The following EMSY variants were observed in gnomAD, a reference collection of about 807,000 sequenced individuals.
EMSY encodes BRCA2-interacting transcriptional repressor EMSY.
Under a neutral mutation model 134.6 loss-of-function variants are expected in EMSY, and 26 were observed. That is an observed-to-expected ratio of 0.19 (90% CI 0.14 to 0.27). EMSY has a LOEUF of 0.27. Among genes scored for constraint, EMSY ranks in the 10% least tolerant of loss-of-function variants. The pLI, the probability that EMSY is intolerant of heterozygous loss-of-function variation, is 1.00. For missense variants in EMSY, 1,305 were observed against 1,611.4 expected, an observed-to-expected ratio of 0.81 and a Z score of 3.26; for synonymous variants, 579 against 577.8, an observed-to-expected ratio of 1.00 and a Z score of -0.03.
At chr11:76,475,638 G>A (rs967532561) in intron 8 of EMSY, among the ~76,000 whole-genome samples, 1 of 152,180 alleles carries the variant, frequency 6.6e-6, no homozygotes, top group Non-Finnish European at 1.5e-5. Flanking sequence ...GTTTCTGTTC[G>A]AGATATTTAA....
intron 8 of EMSY, among the ~76,000 whole-genome samples, chr11:76,495,032 G>A (rs572669015): frequency 9.2e-5 from 14 of 152,166 alleles, no homozygotes; most frequent in African/African-American, 2.9e-4. Flanking sequence ...CACTGTGCCC[G>A]GCCTTCTTGT....
chr11:76,508,983 CAG>C (rs1054797818), intron 9 of EMSY, among the ~76,000 whole-genome samples: 7 of 152,064 alleles, frequency 4.6e-5, no homozygotes, highest in African/African-American at 1.7e-4. Flanking sequence ...GTGAAGCAGT[CAG>C]AGCACACACA....
At chr11:76,470,095 C>T (rs1590820956) in intron 7 of EMSY, among the ~76,000 whole-genome samples, 1 of 152,080 alleles carries the variant, frequency 6.6e-6, no homozygotes, top group African/African-American at 2.4e-5. Flanking sequence ...TATATAATAA[C>T]AATGTTATGG....
chr11:76,460,338 A>G (rs1216552991), intron 6 of EMSY: 3 of 330,236 alleles, frequency 9.1e-6, no homozygotes, highest in Middle Eastern at 8.3e-4. Flanking sequence ...TGTTATCCTT[A>G]AGAATTCACT....
At chr11:76,507,691 G>T (rs1950127033) in intron 9 of EMSY, among the ~76,000 whole-genome samples, 1 of 151,958 alleles carries the variant, frequency 6.6e-6, no homozygotes. Flanking sequence ...CCTCTTCCAA[G>T]CTCCTATTAA....
intron 10 of EMSY, among the ~76,000 whole-genome samples, chr11:76,515,566 G>T (rs1423110943): frequency 6.6e-6 from 1 of 152,076 alleles, no homozygotes; most frequent in East Asian, 1.9e-4. Flanking sequence ...AATATTCCTG[G>T]CAACTCTAGG....
Position 76,526,643 on chromosome 11 carries a change from A to G in EMSY, c.1995+8A>G, listed in dbSNP as rs150837971. The G allele has an allele frequency of 3.0e-4, 471 of 1,595,136 alleles. No individual in the cohort carries two copies. Among genetic ancestry groups the G allele is most frequent in the African/African-American group, 2.4e-3 (176 of 74,124 alleles). On this transcript the variant is annotated splice_region_variant and intron_variant, in intron 13 of 20. Coordinates refer to ENST00000334736, the Ensembl canonical transcript of EMSY. Reference sequence around the variant, plus strand: ...CAGCAAGGGAAAACGCAGGTATGCTATAAGATATGATGATTTTTCTTGGCT... The same window carrying G: ...CAGCAAGGGAAAACGCAGGTATGCTGTAAGATATGATGATTTTTCTTGGCT...
chr11:76,478,957 G>T (rs1030333767), intron 8 of EMSY, among the ~76,000 whole-genome samples: 1 of 151,988 alleles, frequency 6.6e-6, no homozygotes, highest in African/African-American at 2.4e-5. Flanking sequence ...GCACTCAGGA[G>T]CAGGATTACC....
rs538119475 is a variant in EMSY, at chr11:76,520,406, C to A, written c.1685-2749C>A. On this transcript the variant is annotated intron_variant, in intron 11 of 20. Transcript: ENST00000334736. ...TGGTCCTTGTACTTTGGTATAAAGTCAAAAGCATAGTAAATCATGTCAAAA... is the reference window on the plus strand; with the variant it reads ...TGGTCCTTGTACTTTGGTATAAAGTAAAAAGCATAGTAAATCATGTCAAAA... 4.6e-5 allele frequency among the ~76,000 whole-genome samples: 7 copies of A among 152,084 alleles called. No homozygotes were observed. The East Asian group carries it at 1.3e-3, about 29-fold the overall frequency.
chr11:76,544,762 C>G (rs1951578216), exon 19 of EMSY: 1 of 1,614,038 alleles, frequency 6.2e-7, no homozygotes, highest in African/African-American at 1.3e-5. Flanking sequence ...ACGTGCAACC[C>G]CAAACCCCCC....
intron 8 of EMSY, among the ~76,000 whole-genome samples, chr11:76,476,718 T>C (rs1317788864): frequency 6.6e-6 from 1 of 152,160 alleles, no homozygotes; most frequent in African/African-American, 2.4e-5. Flanking sequence ...TGTGGTATGT[T>C]GAGATGTTCC....
At chr11:76,547,524 T>C (rs578130634) in intron 20 of EMSY, among the ~76,000 whole-genome samples, 12 of 152,328 alleles carry the variant, frequency 7.9e-5, no homozygotes, top group African/African-American at 2.9e-4. Flanking sequence ...TTGTATGATT[T>C]TGGGCAAGGC....
At chr11:76,514,854 C>T (rs1481118092) in intron 10 of EMSY, among the ~76,000 whole-genome samples, 1 of 152,072 alleles carries the variant, frequency 6.6e-6, no homozygotes, top group Non-Finnish European at 1.5e-5. Context: ...TATCATACTT[C>T]CCCTAAACTT....
intron 14 of EMSY, among the ~76,000 whole-genome samples, chr11:76,533,457 G>A (rs946668438): frequency 2.2e-5 from 3 of 138,068 alleles, no homozygotes; most frequent in African/African-American, 5.2e-5. Context: ...GAGTTGTAAG[G>A]AAACTGTCTT....
intron 8 of EMSY, among the ~76,000 whole-genome samples, chr11:76,484,204 GA>G (rs1435820456): frequency 2.6e-5 from 4 of 152,180 alleles, no homozygotes; most frequent in Non-Finnish European, 4.4e-5. Flanking sequence ...AAACCAATGA[GA>G]ACAAAGACAC....
At chr11:76,487,944 T>A (rs1268610718) in intron 8 of EMSY, among the ~76,000 whole-genome samples, 1 of 152,266 alleles carries the variant, frequency 6.6e-6, no homozygotes, top group Non-Finnish European at 1.5e-5. Flanking sequence ...AAAACACAGG[T>A]AATGTTTTTA....
chr11:76,463,629 C>CAA (rs567081751), intron 6 of EMSY, among the ~76,000 whole-genome samples, 192 bp from the exon 8 acceptor site: 999 of 94,686 alleles, frequency 0.011, 11 homozygotes, highest in Middle Eastern at 0.023. Flanking sequence ...GACTCCGTCT[C>CAA]AAAAAAAAAA....
intron 14 of EMSY, among the ~76,000 whole-genome samples, chr11:76,530,925 A>G (rs1951018897): frequency 6.6e-6 from 1 of 152,152 alleles, no homozygotes; most frequent in African/African-American, 2.4e-5. Flanking sequence ...TTTTCTTTTT[A>G]AAGTAACCTT....
At chr11:76,544,786 G>A (rs755632629) in exon 19 of EMSY, 17 of 1,613,984 alleles carry the variant, frequency 1.1e-5, no homozygotes, top group South Asian at 9.9e-5. Flanking sequence ...GCCAAATGTC[G>A]CTCCCAGCTT....
Sources: allele counts gnomAD v4.1 joint callset (sites outside exome capture counted in the v4.1 genomes callset), GRCh38; gene constraint gnomAD v4.1.1; transcripts MANE v1.5; gene names NCBI Gene and HGNC (gene_info 2026-07-23, HGNC 2026-07-21).